The following GNA12 variants were observed in gnomAD, a reference collection of about 807,000 sequenced individuals.
GNA12 encodes guanine nucleotide-binding protein subunit alpha-12.
Under a neutral mutation model 26.0 loss-of-function variants are expected in GNA12, and 9 were observed. The ratio of observed to expected loss-of-function variants is 0.35; its 90% CI spans 0.21 to 0.60. The LOEUF (loss-of-function observed/expected upper bound fraction) is 0.60, where lower values mean the gene tolerates loss of function less well. Among genes scored for constraint, GNA12 ranks in the 20% least tolerant of loss-of-function variants. GNA12 has a pLI of 0.78. For missense variants in GNA12, 405 were observed against 525.8 expected (o/e 0.77, Z 2.25); for synonymous variants, 264 against 219.6 (o/e 1.20, Z -1.79).
intron 2 of GNA12, among the ~76,000 whole-genome samples, chr7:2,781,985 T>C (rs1261396476): frequency 6.6e-6 from 1 of 152,166 alleles, no homozygotes; most frequent in East Asian, 1.9e-4. Context: ...AGAATAGAAT[T>C]TGGAGTCTAG....
chr7:2,835,978 T>C (rs916790110), intron 1 of GNA12: 6 of 462,800 alleles, frequency 1.3e-5, no homozygotes, highest in Non-Finnish European at 2.4e-5. Flanking sequence ...AGTTCAGTTG[T>C]ATGCAAAATT....
chr7:2,822,345 T>A (rs1715399530), intron 1 of GNA12, among the ~76,000 whole-genome samples: 2 of 152,216 alleles, frequency 1.3e-5, no homozygotes, highest in South Asian at 4.1e-4. Flanking sequence ...GACAGTCCAG[T>A]AACTAAGAGT....
At chr7:2,743,002 A>G (rs1790588112) in intron 2 of GNA12, among the ~76,000 whole-genome samples, 1 of 152,228 alleles carries the variant, frequency 6.6e-6, no homozygotes, top group African/African-American at 2.4e-5. Flanking sequence ...TGTGGCAACA[A>G]CAACATTCAG....
chr7:2,805,520 G>A (rs542434584), intron 1 of GNA12, among the ~76,000 whole-genome samples: 1 of 152,182 alleles, frequency 6.6e-6, no homozygotes, highest in South Asian at 2.1e-4. Flanking sequence ...AGATTTTTCA[G>A]CTCTGTTCTA....
intron 2 of GNA12, among the ~76,000 whole-genome samples, chr7:2,742,146 C>A (rs192400232): frequency 5.3e-5 from 8 of 151,952 alleles, no homozygotes; most frequent in African/African-American, 1.7e-4. Flanking sequence ...CTCAGCCACC[C>A]GAGTAGCTGG....
At chr7:2,737,284 T>G (rs575697798) in intron 2 of GNA12, among the ~76,000 whole-genome samples, 36 of 61,916 alleles carry the variant, frequency 5.8e-4, no homozygotes, top group Middle Eastern at 0.01. Flanking sequence ...GTTTTTTTTT[T>G]TTTTGTTTTT....
intron 2 of GNA12, among the ~76,000 whole-genome samples, chr7:2,746,670 G>C (rs1250795584): frequency 6.6e-6 from 1 of 152,132 alleles, no homozygotes; most frequent in Admixed American, 6.5e-5. Context: ...ACTAAGATCA[G>C]AGCAGAACTG....
chr7:2,763,984 G>C (rs965907411), intron 2 of GNA12, among the ~76,000 whole-genome samples: 5 of 152,148 alleles, frequency 3.3e-5, no homozygotes, highest in African/African-American at 1.2e-4. Context: ...ATGAGAACAG[G>C]GTACGCACCT....
chr7:2,770,280 G>T lies in GNA12; in HGVS notation c.525+24648C>A, dbSNP rs191364544. On this transcript the variant is annotated intron_variant, in intron 2 of 3. Transcript: ENST00000275364. ...TGGCAAAATTGTTTAATAGGGTCTT[G>T]TTTTATTTATAAACATGTCCCGTTT... Among the ~76,000 whole-genome samples the T allele has an allele frequency of 1.1e-3, 166 of 152,238 alleles. 5 individuals are homozygous for T. Among genetic ancestry groups the T allele is most frequent in the Admixed American group, 5.9e-4 (9 of 15,280 alleles).
chr7:2,778,979 T>C (rs902447825), intron 2 of GNA12, among the ~76,000 whole-genome samples: 1 of 152,194 alleles, frequency 6.6e-6, no homozygotes, highest in Non-Finnish European at 1.5e-5. Flanking sequence ...CTGTAAGCCT[T>C]CTTTCAGGAA....
At chr7:2,809,890 C>A (rs1269961158) in intron 1 of GNA12, among the ~76,000 whole-genome samples, 1 of 151,990 alleles carries the variant, frequency 6.6e-6, no homozygotes, top group Non-Finnish European at 1.5e-5. Context: ...GTAATAAATT[C>A]TATGTAAATA....
At chr7:2,776,100 C>T (rs181567275) in intron 2 of GNA12, among the ~76,000 whole-genome samples, 49 of 152,282 alleles carry the variant, frequency 3.2e-4, no homozygotes, top group African/African-American at 9.9e-4. Context: ...CAGGTTAGAC[C>T]GCTCATTGCA....
At chr7:2,768,022 T>C (rs1240923538) in intron 2 of GNA12, among the ~76,000 whole-genome samples, 1 of 152,166 alleles carries the variant, frequency 6.6e-6, no homozygotes, top group East Asian at 1.9e-4. Context: ...GCCTGGCTAA[T>C]TTTTTTATTT....
intron 1 of GNA12, among the ~76,000 whole-genome samples, chr7:2,816,917 A>T (rs1793231338): frequency 6.6e-6 from 1 of 152,136 alleles, no homozygotes; most frequent in Admixed American, 6.5e-5. Context: ...TGCTCCCATC[A>T]AGTCAGTCTG....
At chr7:2,815,712 G>A (rs980981410) in intron 1 of GNA12, among the ~76,000 whole-genome samples, 6 of 152,162 alleles carry the variant, frequency 3.9e-5, no homozygotes, top group Non-Finnish European at 5.9e-5. Context: ...CTGGAGCCTG[G>A]TGCTCCCCGT....
At chr7:2,791,899 G>C (rs1391981198) in intron 2 of GNA12, among the ~76,000 whole-genome samples, 1 of 152,158 alleles carries the variant, frequency 6.6e-6, no homozygotes, top group Non-Finnish European at 1.5e-5. Flanking sequence ...AATGTATAAA[G>C]TATAGGAATA....
chr7:2,756,958 C>G (rs1791327072), intron 2 of GNA12, among the ~76,000 whole-genome samples: 1 of 152,000 alleles, frequency 6.6e-6, no homozygotes, highest in Non-Finnish European at 1.5e-5. Context: ...CCTGTAGTTC[C>G]AGCTACTCAG....
chr7:2,821,184 G>A (rs980797711), intron 1 of GNA12, among the ~76,000 whole-genome samples: 3 of 152,156 alleles, frequency 2.0e-5, no homozygotes, highest in African/African-American at 7.2e-5. Flanking sequence ...TTGTGATGAC[G>A]CTTAGATTAC....
At chr7:2,816,736 G>A (rs1402074382) in intron 1 of GNA12, among the ~76,000 whole-genome samples, 1 of 152,106 alleles carries the variant, frequency 6.6e-6, no homozygotes, top group Non-Finnish European at 1.5e-5. Context: ...AACATTCACT[G>A]AACACCTACT....
Sources: gnomAD v4.1 joint callset for allele counts (sites outside exome capture counted in the v4.1 genomes callset) on GRCh38, gnomAD v4.1.1 for gene constraint, MANE v1.5 for transcripts, NCBI Gene and HGNC (gene_info 2026-07-23, HGNC 2026-07-21) for gene names.